Variants in ZFP14 observed in about 807,000 individuals in gnomAD.
ZFP14 encodes the protein ZFP14 zinc finger protein.
A neutral mutation model predicts 54.5 loss-of-function variants in ZFP14; 22 were observed. The observed-to-expected ratio is 0.40, with a 90% CI of 0.29 to 0.58. The LOEUF (loss-of-function observed/expected upper bound fraction) is 0.58, where lower values mean the gene tolerates loss of function less well. ZFP14 is among the 20% of genes least tolerant of loss of function. The pLI is 0.39. For missense variants in ZFP14, 470 were observed against 637.8 expected (o/e 0.74, Z 2.83); for synonymous variants, 159 against 204.0 (o/e 0.78, Z 1.88).
intron 4 of ZFP14, among the ~76,000 whole-genome samples, chr19:36,343,245 C>T (rs1403865523): frequency 6.6e-6 from 1 of 152,194 alleles, no homozygotes; most frequent in Admixed American, 6.5e-5. Flanking sequence ...TTGAGTCTCT[C>T]TGTTTAAATG....
Position 36,341,620 on chromosome 19 carries a change from C to T in ZFP14, c.236-30G>A. The T allele has an allele frequency of 6.6e-7, 1 of 1,515,578 alleles. No homozygotes were observed. Among genetic ancestry groups the T allele is most frequent in the Non-Finnish European group, 8.8e-7 (1 of 1,137,558 alleles). 93.9% of individuals were successfully genotyped at this position (1,515,578 alleles called of 1,614,324 possible). A position where few individuals can be genotyped will look rare whatever the true frequency, so the allele number is the denominator to read the frequency against. On this transcript the variant is annotated intron_variant, in intron 4 of 4. Transcript: ENST00000270001. The surrounding 1 kb of genome is among the most constrained non-coding windows in gnomAD (Gnocchi z 4.2). Reference sequence around the variant, plus strand: ...AAGAAAACAAGAAAGCAAATACATACTGTTTTCCTGTTCCAGAAAGAAAAA... The same window carrying T: ...AAGAAAACAAGAAAGCAAATACATATTGTTTTCCTGTTCCAGAAAGAAAAA...
At chr19:36,366,864 C>T (rs1391573783) in intron 2 of ZFP14, among the ~76,000 whole-genome samples, 1 of 151,932 alleles carries the variant, frequency 6.6e-6, no homozygotes, top group Non-Finnish European at 1.5e-5. Flanking sequence ...TTAAAAATGT[C>T]ATATTGTGGC....
In ZFP14 at chr19:36,365,246, C is replaced by T. The variant is rs531530610; in HGVS notation, c.9+2638G>A. On this transcript the variant is annotated intron_variant, in intron 2 of 4. Transcript: ENST00000270001. ...TCCAACTAGCTTTGCACATTTTCCT[C>T]CAATATAGAACTATGGGACACAGTG... is the stretch of plus-strand genomic sequence containing the variant. Among the ~76,000 whole-genome samples the T allele has an allele frequency of 3.3e-5, 5 of 152,224 alleles. No homozygotes were observed. In the South Asian group the frequency reaches 1.0e-3, roughly 32 times the overall value.
chr19:36,357,183 C>G (rs2031628093), intron 4 of ZFP14, among the ~76,000 whole-genome samples: 1 of 152,148 alleles, frequency 6.6e-6, no homozygotes, highest in Non-Finnish European at 1.5e-5. Context: ...GCTGGGATTA[C>G]AGGCGCATGC....
chr19:36,376,366 T>C (rs2031962262), intron 1 of ZFP14, among the ~76,000 whole-genome samples: 1 of 151,974 alleles, frequency 6.6e-6, no homozygotes, highest in Admixed American at 6.6e-5. Flanking sequence ...GCCAACATAG[T>C]GAAACCCCAT....
intron 4 of ZFP14, among the ~76,000 whole-genome samples, chr19:36,349,680 A>ATATAT (rs1229719873): frequency 2.6e-4 from 36 of 136,852 alleles, no homozygotes; most frequent in Non-Finnish European, 4.2e-4. Flanking sequence ...ACAAAAAAAA[A>ATATAT]ATATATATAT....
intron 4 of ZFP14, among the ~76,000 whole-genome samples, chr19:36,346,447 C>G (rs1236047771): frequency 6.6e-6 from 1 of 151,890 alleles, no homozygotes; most frequent in Non-Finnish European, 1.5e-5. Context: ...AGTGACAACT[C>G]CCCATAGAGC....
At chr19:36,358,092 C>CTATCATCTATCT (rs757927325) in intron 4 of ZFP14, among the ~76,000 whole-genome samples, 2 of 127,806 alleles carry the variant, frequency 1.6e-5, no homozygotes, top group African/African-American at 5.9e-5. Flanking sequence ...ATCTATCTAT[C>CTATCATCTATCT]ATCTATCTAT....
chr19:36,361,875 T>G (rs1009752083), intron 3 of ZFP14, among the ~76,000 whole-genome samples: 15 of 152,270 alleles, frequency 9.9e-5, no homozygotes, highest in African/African-American at 3.4e-4. Context: ...GAACAATGCT[T>G]TTGCCATATT....
chr19:36,369,567 C>T (rs972398654), intron 1 of ZFP14, among the ~76,000 whole-genome samples: 8 of 151,948 alleles, frequency 5.3e-5, no homozygotes, highest in South Asian at 2.1e-4. Context: ...CCTGCCACTA[C>T]GCCCGGCTAA....
Position 36,354,370 on chromosome 19 carries a change from C to CAA in ZFP14, c.235+6063_235+6064dup, listed in dbSNP as rs58651628. Among the ~76,000 whole-genome samples, 257 of 98,984 alleles carry CAA rather than the reference C, an allele frequency of 2.6e-3. 33 individuals carry two copies. The highest frequency in any genetic ancestry group is 4.4e-3 in the Admixed American group (40 of 9,080). 64.9% of individuals were successfully genotyped at this position (98,984 alleles called of 152,430 possible). A position where few individuals can be genotyped will look rare whatever the true frequency, so the allele number is the denominator to read the frequency against. On this transcript the variant is annotated intron_variant, in intron 4 of 4. Coordinates refer to ENST00000270001, the MANE Select transcript of ZFP14 (RefSeq NM_020917.3). ...TGGGCGACAGAGAGAGATTCCATCT[C>CAA]AAAAAAAAAAAAAAAAAGTCAAATG... is the stretch of plus-strand genomic sequence containing the variant.
chr19:36,343,029 G>A (rs2031351267), intron 4 of ZFP14, among the ~76,000 whole-genome samples: 1 of 152,186 alleles, frequency 6.6e-6, no homozygotes. Context: ...GAGTCCAGGA[G>A]TGCAGGCAGG....
intron 1 of ZFP14, among the ~76,000 whole-genome samples, chr19:36,375,988 C>A (rs971005111): frequency 6.6e-6 from 1 of 151,806 alleles, no homozygotes; most frequent in Admixed American, 6.6e-5. Context: ...CCACCGCGCC[C>A]GGCCAGATTT....
rs368752785 is a variant in ZFP14, at chr19:36,360,454, C to T, written c.216G>A (p.Gly72=). The change falls in exon 4 of 5, where the codon GGG becomes GGA. Residue 72 remains glycine, a synonymous_variant. Transcript: ENST00000270001. ...RKEPGMVVRE[G]TRRYCPDLES... ...ACTCACCAGGGCAGTATCTTCTTGT[C>T]CCTTCCCTCACAACCATCCCAGGTT... 4 of 1,613,600 alleles carry T rather than the reference C, an allele frequency of 2.5e-6. No individual in the cohort carries two copies. The highest frequency in any genetic ancestry group is 1.3e-5 in the African/African-American group (1 of 75,036).
At chr19:36,342,888 T>C (rs1370715335) in intron 4 of ZFP14, among the ~76,000 whole-genome samples, 1 of 152,190 alleles carries the variant, frequency 6.6e-6, no homozygotes, top group African/African-American at 2.4e-5. Context: ...CTAGCTCCAC[T>C]GGACTAGAAA....
At chr19:36,358,589 T>C (rs1421199071) in intron 4 of ZFP14, among the ~76,000 whole-genome samples, 3 of 152,186 alleles carry the variant, frequency 2.0e-5, no homozygotes, top group Non-Finnish European at 4.4e-5. Context: ...CTTTTGATAA[T>C]GGATTTTTAT....
Position 36,338,627 on chromosome 19 carries a change from C to T in ZFP14, c.*1597G>A, listed in dbSNP as rs1049322958. 2 of 152,006 alleles carry T rather than the reference C, an allele frequency of 1.3e-5. No individual in the cohort carries two copies. Among genetic ancestry groups the T allele is most frequent in the African/African-American group, 4.8e-5 (2 of 41,380 alleles). 9.4% of individuals were successfully genotyped at this position (152,006 alleles called of 1,614,324 possible). On this transcript the variant is annotated 3_prime_UTR_variant, in exon 5 of 5. Coordinates refer to ENST00000270001, the MANE Select transcript of ZFP14 (RefSeq NM_020917.3). ...CACTCCAGCCTGGGGGACAAAGTGA[C>T]ACCCTGTCTCAAAAAAATTATACAT...
chr19:36,361,906 C>A (rs1413059060), intron 3 of ZFP14, among the ~76,000 whole-genome samples: 1 of 152,120 alleles, frequency 6.6e-6, no homozygotes, highest in South Asian at 2.1e-4. Flanking sequence ...CCCTTGGATA[C>A]TAAGGAAATC....
intron 3 of ZFP14, among the ~76,000 whole-genome samples, chr19:36,361,234 T>C (rs1377913718): frequency 1.3e-5 from 2 of 152,118 alleles, no homozygotes; most frequent in Admixed American, 1.3e-4. Flanking sequence ...GGAAACAGAA[T>C]GTGTTTCAGG....
Sources: gnomAD v4.1 joint callset for allele counts (sites outside exome capture counted in the v4.1 genomes callset) on GRCh38, gnomAD v4.1.1 for gene constraint, Gnocchi (gnomAD v3.1) non-coding constraint, MANE v1.5 for transcripts, NCBI Gene and HGNC (gene_info 2026-07-23, HGNC 2026-07-21) for gene names.